The following SLC35F3 variants were observed in gnomAD, a reference collection of about 807,000 sequenced individuals.
SLC35F3 encodes putative thiamine transporter SLC35F3.
In SLC35F3, 25 loss-of-function variants were observed where a neutral mutation model predicts 49.9. That is an observed-to-expected ratio of 0.50 (90% confidence interval 0.37 to 0.70). SLC35F3 has a LOEUF of 0.70. Among genes scored for constraint, SLC35F3 ranks in the 30% least tolerant of loss-of-function variants. The pLI is 0.00. For missense variants in SLC35F3, 525 were observed against 639.8 expected, an observed-to-expected ratio of 0.82 and a Z score of 1.94; for synonymous variants, 275 against 265.4, an observed-to-expected ratio of 1.04 and a Z score of -0.35.
intron 2 of SLC35F3, among the ~76,000 whole-genome samples, chr1:234,019,792 G>A (rs928132227): frequency 1.3e-5 from 2 of 152,122 alleles, no homozygotes; most frequent in Non-Finnish European, 2.9e-5. Context: ...CATCTCTGGC[G>A]CAGTACATGT....
intron 2 of SLC35F3, among the ~76,000 whole-genome samples, chr1:233,966,660 A>G (rs1275259322): frequency 2.0e-5 from 3 of 152,160 alleles, no homozygotes; most frequent in African/African-American, 7.2e-5. Context: ...TAGGAAAGCA[A>G]CCTCTGGCAC....
intron 3 of SLC35F3, among the ~76,000 whole-genome samples, chr1:234,240,785 G>C (rs1430436037): frequency 2.0e-5 from 3 of 152,180 alleles, no homozygotes; most frequent in Non-Finnish European, 4.4e-5. Flanking sequence ...CCAGGTAGCT[G>C]ATTTGGAGCC....
intron 2 of SLC35F3, among the ~76,000 whole-genome samples, chr1:234,053,083 G>A (rs905999639): frequency 2.6e-5 from 4 of 152,226 alleles, no homozygotes; most frequent in African/African-American, 9.7e-5. Flanking sequence ...TGGAATAAGT[G>A]TGATGTGGTG....
chr1:234,128,521 G>T (rs1164847745), intron 2 of SLC35F3, among the ~76,000 whole-genome samples: 1 of 152,170 alleles, frequency 6.6e-6, no homozygotes, highest in African/African-American at 2.4e-5. Context: ...GGCGGAGGTG[G>T]AGCATTAGGA....
At chr1:233,929,281 T>C (rs1662206566) in intron 2 of SLC35F3, among the ~76,000 whole-genome samples, 1 of 152,222 alleles carries the variant, frequency 6.6e-6, no homozygotes, top group Admixed American at 6.5e-5. Context: ...TGACCAACAT[T>C]ACCTTTTATG....
chr1:233,910,247 G>A (rs552959098), intron 2 of SLC35F3, among the ~76,000 whole-genome samples: 3 of 152,296 alleles, frequency 2.0e-5, no homozygotes, highest in Admixed American at 6.5e-5. Context: ...CACCAATTAG[G>A]GAGGAGATGG....
chr1:234,067,379 AT>A (rs1160462823), intron 2 of SLC35F3, among the ~76,000 whole-genome samples: 1 of 152,216 alleles, frequency 6.6e-6, no homozygotes, highest in Non-Finnish European at 1.5e-5. Flanking sequence ...CCAAATAAAA[AT>A]TTTATTAGAA....
At chr1:234,028,226 C>T (rs908759438) in intron 2 of SLC35F3, among the ~76,000 whole-genome samples, 9 of 152,156 alleles carry the variant, frequency 5.9e-5, no homozygotes, top group African/African-American at 1.7e-4. Flanking sequence ...ACTGGCTGTG[C>T]CCCCGATCCA....
At chr1:234,019,953 C>T (rs970886068) in intron 2 of SLC35F3, among the ~76,000 whole-genome samples, 6 of 152,194 alleles carry the variant, frequency 3.9e-5, no homozygotes, top group African/African-American at 1.4e-4. Flanking sequence ...TGAAGGTTCA[C>T]TCAAGGGCAA....
At chr1:234,081,745 T>A (rs576688135) in intron 2 of SLC35F3, among the ~76,000 whole-genome samples, 3 of 151,836 alleles carry the variant, frequency 2.0e-5, no homozygotes, top group African/African-American at 7.2e-5. Context: ...CCTTTCTTTT[T>A]TTTTTTCTTT....
At chr1:234,025,616 T>C (rs919948883) in intron 2 of SLC35F3, among the ~76,000 whole-genome samples, 4 of 152,334 alleles carry the variant, frequency 2.6e-5, no homozygotes, top group East Asian at 1.9e-4. Flanking sequence ...GATGTATTTC[T>C]TCTTTTGGGA....
chr1:234,285,819 A>C (rs1489889273), intron 3 of SLC35F3, among the ~76,000 whole-genome samples: 1 of 152,224 alleles, frequency 6.6e-6, no homozygotes, highest in East Asian at 1.9e-4. Flanking sequence ...ACTGAACTCC[A>C]GCAAAGCAGC....
chr1:234,023,697 A>G (rs940731569), intron 2 of SLC35F3, among the ~76,000 whole-genome samples: 3 of 152,114 alleles, frequency 2.0e-5, no homozygotes, highest in African/African-American at 7.2e-5. Context: ...CAGGCAAGTC[A>G]TCAGGGTCCA....
At chr1:233,956,099 G>T (rs1662696470) in intron 2 of SLC35F3, among the ~76,000 whole-genome samples, 1 of 151,904 alleles carries the variant, frequency 6.6e-6, no homozygotes, top group African/African-American at 2.4e-5. Flanking sequence ...TGTTGGCCAG[G>T]CTAGTCTCAA....
chr1:233,982,295 T>C (rs1663198766), intron 2 of SLC35F3, among the ~76,000 whole-genome samples: 1 of 152,210 alleles, frequency 6.6e-6, no homozygotes, highest in Non-Finnish European at 1.5e-5. Flanking sequence ...GTACTATCAG[T>C]CCACGTCTTT....
At chr1:233,918,273 A>G (rs544862199) in intron 2 of SLC35F3, among the ~76,000 whole-genome samples, 1 of 152,258 alleles carries the variant, frequency 6.6e-6, no homozygotes, top group Admixed American at 6.5e-5. Context: ...GTAGTGAGGG[A>G]GGTAGCTTAG....
intron 3 of SLC35F3, among the ~76,000 whole-genome samples, chr1:234,233,101 A>T (rs1667411053): frequency 6.6e-6 from 1 of 152,200 alleles, no homozygotes; most frequent in African/African-American, 2.4e-5. Flanking sequence ...GAAATTGCTA[A>T]AGAGGCACTT....
chr1:234,016,698 A>G (rs1663807146), intron 2 of SLC35F3, among the ~76,000 whole-genome samples: 1 of 152,236 alleles, frequency 6.6e-6, no homozygotes, highest in Non-Finnish European at 1.5e-5. Context: ...TGATGAATGT[A>G]TTTCAATGCA....
intron 2 of SLC35F3, among the ~76,000 whole-genome samples, chr1:233,993,859 T>C (rs1663406883): frequency 1.3e-5 from 2 of 152,206 alleles, no homozygotes; most frequent in South Asian, 2.1e-4. Flanking sequence ...TGGTCCCTAA[T>C]TGTACCTCTC....
Sources: gnomAD v4.1 joint callset for allele counts (sites outside exome capture counted in the v4.1 genomes callset) on GRCh38, gnomAD v4.1.1 for gene constraint, MANE v1.5 for transcripts, NCBI Gene and HGNC (gene_info 2026-07-23, HGNC 2026-07-21) for gene names.